GPAM: variants seen among roughly 807,000 people sequenced by gnomAD.
GPAM encodes the protein glycerol-3-phosphate acyltransferase, mitochondrial, also known as glycerol-3-phosphate acyltransferase 1, mitochondrial.
Under a neutral mutation model 105.0 loss-of-function variants are expected in GPAM, and 56 were observed. The observed-to-expected ratio is 0.53, with a 90% CI of 0.43 to 0.67. GPAM has a LOEUF of 0.67. Among genes scored for constraint, GPAM ranks in the 30% least tolerant of loss-of-function variants. GPAM has a pLI of 0.00. For missense variants in GPAM, 855 were observed against 989.8 expected (o/e 0.86, Z 1.83); for synonymous variants, 368 against 354.4 (o/e 1.04, Z -0.43).
chr10:112,196,354 G>T (rs1711867771), intron 1 of GPAM, among the ~76,000 whole-genome samples: 1 of 152,052 alleles, frequency 6.6e-6, no homozygotes, highest in Non-Finnish European at 1.5e-5. Context: ...TTCAACTAAG[G>T]CTAATTTTTA....
chr10:112,178,719 C>T (rs188364728), intron 4 of GPAM, among the ~76,000 whole-genome samples: 2 of 152,236 alleles, frequency 1.3e-5, no homozygotes, highest in Admixed American at 6.5e-5. Context: ...CGCTAAGTAC[C>T]ATGCAGTTAT....
chr10:112,197,732 G>T (rs1847741873), intron 1 of GPAM, among the ~76,000 whole-genome samples: 1 of 143,012 alleles, frequency 7.0e-6, no homozygotes, highest in Non-Finnish European at 1.5e-5. Flanking sequence ...GTGAGAATAT[G>T]CGGTGTTTGG....
In GPAM at chr10:112,151,899, A is replaced by T; in HGVS notation, c.*1651T>A. 1.0e-6 allele frequency: 1 copy of T among 979,546 alleles called. No individual in the cohort carries two copies. Among genetic ancestry groups the T allele is most frequent in the Non-Finnish European group, 1.2e-6 (1 of 824,588 alleles). 60.7% of individuals were successfully genotyped at this position (979,546 alleles called of 1,614,324 possible). A position where few individuals can be genotyped will look rare whatever the true frequency, so the allele number is the denominator to read the frequency against. Reference sequence around the variant, plus strand: ...TATCTCATTCAACATCAGAGCTACTACAACTGACAATGACTTCATGGTATA... The same window carrying T: ...TATCTCATTCAACATCAGAGCTACTTCAACTGACAATGACTTCATGGTATA... On this transcript the variant is annotated 3_prime_UTR_variant, in exon 22 of 22. Transcript: ENST00000348367.
At chr10:112,173,892 C>T (rs1261999229) in intron 6 of GPAM, 47 bp from the exon 7 acceptor site, 1 of 1,448,302 alleles carries the variant, frequency 6.9e-7, no homozygotes, top group Non-Finnish European at 9.7e-7. Context: ...TTCTATACTA[C>T]ATTCTGTATT....
At chr10:112,184,255 A>G (rs999409278), upstream of GPAM, among the ~76,000 whole-genome samples, 1 of 152,222 alleles carries the variant, frequency 6.6e-6, no homozygotes, top group Non-Finnish European at 1.5e-5. Context: ...TAGTATAAAA[A>G]GCCTCAGTTA....
At position 112,177,116 on chromosome 10, in the gene GPAM, G is replaced by A. The variant is rs907229043; in HGVS notation, c.299+868C>T. ...TAAATGCAAATTTAAAAGAGAGAGA[G>A]AGAGAGACCAGCAGCCTGGGAATGA... is the stretch of plus-strand genomic sequence containing the variant. On this transcript the variant is annotated intron_variant, in intron 5 of 21. Transcript: ENST00000348367. Among the ~76,000 whole-genome samples, 18 of 152,300 alleles carry A rather than the reference G, an allele frequency of 1.2e-4. No individual in the cohort carries two copies. The Middle Eastern group carries it at 0.014, about 115-fold the overall frequency.
chr10:112,182,165 T>A (rs1025985595), intron 2 of GPAM, among the ~76,000 whole-genome samples: 3 of 152,232 alleles, frequency 2.0e-5, no homozygotes, highest in African/African-American at 7.2e-5. Flanking sequence ...CTATGAATTG[T>A]ATCCAAACAA....
rs1216263555 is a variant in GPAM, at chr10:112,181,756, G to A, written c.29C>T (p.Thr10Ile). MDESALTLG[T>I]IDVSYLPHSS... is the part of the protein sequence containing the mutation. Reference sequence around the variant, plus strand: ...ATGTGGCAGATAAGAAACATCTATTGTACCAAGGGTCAGTGCAGATTCATC... The same window carrying A: ...ATGTGGCAGATAAGAAACATCTATTATACCAAGGGTCAGTGCAGATTCATC... The change falls in exon 3 of 22, where the codon ACA becomes ATA. Residue 10 changes from threonine to isoleucine, a missense_variant. Thr to Ile is a moderately conservative substitution (Grantham distance 89). Coordinates refer to ENST00000348367, the MANE Select transcript of GPAM (RefSeq NM_001244949.2). The A allele has an allele frequency of 6.2e-7, 1 of 1,607,288 alleles. No individual in the cohort carries two copies. The highest frequency in any genetic ancestry group is 1.1e-5 in the South Asian group (1 of 90,958).
chr10:112,164,582 G>T lies in GPAM; in HGVS notation c.1250C>A (p.Pro417Gln). ...KEYLESQSQK[P>Q]VSALLSLEQA... ...CTCCAGGGAAAGTAGAGCAGACACC[G>T]GTTTCTGACTTTGGCTTTCTAAATA... is the stretch of plus-strand genomic sequence containing the variant. The change falls in exon 13 of 22, where the codon CCG (proline) becomes CAG (glutamine). Residue 417 changes from proline to glutamine, a missense_variant. Coordinates refer to ENST00000348367, the MANE Select transcript of GPAM (RefSeq NM_001244949.2). The T allele has an allele frequency of 6.2e-7, 1 of 1,604,990 alleles. No individual in the cohort carries two copies. The highest frequency in any genetic ancestry group is 1.7e-4 in the Middle Eastern group (1 of 6,036).
chr10:112,199,924 G>C (rs1448906484), intron 1 of GPAM, among the ~76,000 whole-genome samples: 6 of 152,020 alleles, frequency 3.9e-5, no homozygotes, highest in Non-Finnish European at 1.5e-5. Flanking sequence ...TTCAAGGTGA[G>C]ATTTGGGTGG....
In GPAM at chr10:112,152,119, T is replaced by C. The variant is rs1846930450; in HGVS notation, c.*1431A>G. 5 of 980,260 alleles carry C rather than the reference T, an allele frequency of 5.1e-6. No individual in the cohort carries two copies. The African/African-American group carries it at 5.3e-5, about 10-fold the overall frequency. 60.7% of individuals were successfully genotyped at this position (980,260 alleles called of 1,614,324 possible). ...TGTTTAAAATCCAAGCTTATGGAAG[T>C]ACAAACTTAATTCTCAGTACTTTTA... On this transcript the variant is annotated 3_prime_UTR_variant, in exon 22 of 22. Coordinates refer to ENST00000348367, the MANE Select transcript of GPAM (RefSeq NM_001244949.2).
upstream of GPAM, among the ~76,000 whole-genome samples, chr10:112,187,570 TC>T (rs1847610437): frequency 6.6e-6 from 1 of 152,090 alleles, no homozygotes; most frequent in African/African-American, 2.4e-5. Context: ...CAAAAACTAA[TC>T]GAATTGCAAG....
At chr10:112,168,207 G>C (rs936447612) in intron 11 of GPAM, 105 bp downstream of exon 11, 1 of 729,512 alleles carries the variant, frequency 1.4e-6, no homozygotes, top group Non-Finnish European at 2.5e-6. Flanking sequence ...TTTAAACATA[G>C]GGAGTACCAA....
intron 1 of GPAM, among the ~76,000 whole-genome samples, chr10:112,194,178 G>T (rs1847696270): frequency 6.6e-6 from 1 of 152,198 alleles, no homozygotes; most frequent in African/African-American, 2.4e-5. Flanking sequence ...GGAAAAGAGA[G>T]TGTAGTAAGC....
chr10:112,223,770 A>G, the GPAM span, among the ~76,000 whole-genome samples: 5 of 152,240 alleles, frequency 3.3e-5, no homozygotes, highest in Non-Finnish European at 7.3e-5. Context: ...CAACTAATCA[A>G]CTGTGCCATG....
chr10:112,210,408 T>C lies in GPAM; in HGVS notation n.210+4760A>G, dbSNP rs1389087265. On this transcript the variant is annotated intron_variant and non_coding_transcript_variant, in intron 1 of 3. Coordinates refer to the GPAM transcript ENST00000480130. ...GTTGTGTGCCCTGAAGTCTCATGCCTACCTCAGTTTCCCCACCATTATTGC... is the reference window on the plus strand; with the variant it reads ...GTTGTGTGCCCTGAAGTCTCATGCCCACCTCAGTTTCCCCACCATTATTGC... Among the ~76,000 whole-genome samples, 4 of 152,202 alleles carry C rather than the reference T, an allele frequency of 2.6e-5. No individual in the cohort carries two copies. In the East Asian group the frequency reaches 7.7e-4, roughly 29 times the overall value.
intron 12 of GPAM, among the ~76,000 whole-genome samples, chr10:112,165,968 T>C (rs1847209015): frequency 6.6e-6 from 1 of 152,166 alleles, no homozygotes; most frequent in African/African-American, 2.4e-5. Flanking sequence ...ATCAGGGTAA[T>C]TGGGATAACC....
rs368910214 is a variant in GPAM at position 112,199,852 on chromosome 10, C to T, written n.210+15316G>A. 2.6e-4 allele frequency among the ~76,000 whole-genome samples: 40 copies of T among 152,124 alleles called. No homozygotes were observed. The East Asian group carries it at 6.0e-3, about 23-fold the overall frequency. The stretch of plus-strand genomic sequence containing the variant: ...TACCATGGGAACAGTATGGGGGAAC[C>T]GCCCCCCATGATTCAATTATCTCCA... On this transcript the variant is annotated intron_variant and non_coding_transcript_variant, in intron 1 of 3. Coordinates refer to the GPAM transcript ENST00000480130.
upstream of GPAM, among the ~76,000 whole-genome samples, chr10:112,216,020 G>C (rs1847964330): frequency 6.6e-6 from 1 of 152,164 alleles, no homozygotes; most frequent in African/African-American, 2.4e-5. Flanking sequence ...AGAAGGTGTA[G>C]GGGCGAATAA....
Sources: allele counts gnomAD v4.1 joint callset (sites outside exome capture counted in the v4.1 genomes callset), GRCh38; gene constraint gnomAD v4.1.1; transcripts MANE v1.5; gene names NCBI Gene and HGNC (gene_info 2026-07-23, HGNC 2026-07-21).